The following AOPEP variants were observed in gnomAD, a reference collection of about 807,000 sequenced individuals.
The protein encoded by AOPEP is aminopeptidase O.
Under a neutral mutation model 98.1 loss-of-function variants are expected in AOPEP, and 77 were observed. The observed-to-expected ratio is 0.78, with a 90% confidence interval of 0.65 to 0.95. The LOEUF is 0.95. AOPEP is among the 40% of genes least tolerant of loss of function. AOPEP has a pLI of 0.00. For synonymous variants in AOPEP, 346 were observed against 365.3 expected (o/e 0.95, Z 0.60); for missense variants, 1,024 against 1,024.7 (o/e 1.00, Z 0.01).
rs1197836686 is a variant in AOPEP, at chr9:94,911,995, T to A, written c.1365-11991T>A. Among the ~76,000 whole-genome samples the A allele has an allele frequency of 2.0e-5, 3 of 152,178 alleles. No homozygotes were observed. The East Asian group carries it at 5.8e-4, about 29-fold the overall frequency. ...GCACTCCAGAAGACCCCTGTGCCCC[T>A]TCCAGTCAACCACACACACAAGGAC... On this transcript the variant is annotated intron_variant, in intron 5 of 16. Coordinates refer to ENST00000375315, the MANE Select transcript of AOPEP (RefSeq NM_001193329.3).
intron 3 of AOPEP, among the ~76,000 whole-genome samples, chr9:94,781,090 T>TC (rs1456064614): frequency 9.2e-5 from 14 of 152,084 alleles, no homozygotes; most frequent in Non-Finnish European, 2.1e-4. Context: ...CAGTTGTTAT[T>TC]CTTTTTTTTT....
intron 7 of AOPEP, among the ~76,000 whole-genome samples, chr9:94,942,020 A>G (rs2057063454): frequency 6.6e-6 from 1 of 152,248 alleles, no homozygotes. Context: ...TTGGGAAAGT[A>G]AATTTTGTAA....
intron 11 of AOPEP, among the ~76,000 whole-genome samples, chr9:94,983,459 G>A (rs2060320356): frequency 6.6e-6 from 1 of 152,084 alleles, no homozygotes; most frequent in Non-Finnish European, 1.5e-5. Context: ...CGCTTGGACT[G>A]GTGCAATAGC....
chr9:94,884,304 G>A (rs2047931873), intron 5 of AOPEP, among the ~76,000 whole-genome samples: 1 of 152,208 alleles, frequency 6.6e-6, no homozygotes, highest in African/African-American at 2.4e-5. Flanking sequence ...GTGAGACTTT[G>A]AAATTCAAAC....
intron 5 of AOPEP, among the ~76,000 whole-genome samples, chr9:94,880,449 G>A (rs113392299): frequency 1.4e-5 from 2 of 147,384 alleles, no homozygotes; most frequent in Admixed American, 6.8e-5. Flanking sequence ...TCACTGCAGC[G>A]TCGACCTCCC....
chr9:94,947,278 G>A (rs903514930), intron 7 of AOPEP, among the ~76,000 whole-genome samples: 5 of 150,898 alleles, frequency 3.3e-5, no homozygotes, highest in African/African-American at 1.2e-4. Flanking sequence ...ACCGCACCCG[G>A]CCTTTTGTTA....
At chr9:94,864,595 C>T (rs1042285724) in intron 5 of AOPEP, among the ~76,000 whole-genome samples, 2 of 152,028 alleles carry the variant, frequency 1.3e-5, no homozygotes, top group Non-Finnish European at 2.9e-5. Context: ...TATGAATGCA[C>T]ATTTTCAGGA....
Position 94,825,516 on chromosome 9 carries a change from G to A in AOPEP, c.1364+24514G>A, listed in dbSNP as rs72746567. ...TGAGCCTTGGTGAAGACGCTCAGTC[G>A]TTTTAAATAAGTGAAGTAAACATTC... On this transcript the variant is annotated intron_variant, in intron 5 of 16. Coordinates refer to ENST00000375315, the MANE Select transcript of AOPEP (RefSeq NM_001193329.3). Among the ~76,000 whole-genome samples, 801 of 152,352 alleles carry A rather than the reference G, an allele frequency of 5.3e-3. 12 individuals carry two copies. Among genetic ancestry groups the A allele is most frequent in the South Asian group, 0.044 (211 of 4,832 alleles).
intron 5 of AOPEP, among the ~76,000 whole-genome samples, chr9:94,839,177 C>T (rs1383962177): frequency 6.6e-6 from 1 of 151,882 alleles, no homozygotes; most frequent in Non-Finnish European, 1.5e-5. Flanking sequence ...GCCCTGCCTC[C>T]CGGGTTCACG....
the AOPEP span, among the ~76,000 whole-genome samples, chr9:95,104,499 G>A: frequency 6.6e-6 from 1 of 152,022 alleles, no homozygotes; most frequent in African/African-American, 2.4e-5. Flanking sequence ...GCTGAACCAC[G>A]TGTCAGGAGG....
At chr9:95,041,444 G>GTGTGTGTGT (rs1564560850) in intron 13 of AOPEP, among the ~76,000 whole-genome samples, 1 of 144,322 alleles carries the variant, frequency 6.9e-6, no homozygotes, top group Admixed American at 6.8e-5. Context: ...AGAGTCCTTG[G>GTGTGTGTGT]GGGTGTGTGT....
chr9:94,946,460 T>A (rs2057639879), intron 7 of AOPEP, among the ~76,000 whole-genome samples: 1 of 152,090 alleles, frequency 6.6e-6, no homozygotes, highest in Non-Finnish European at 1.5e-5. Flanking sequence ...GCAGATTTCC[T>A]GTGCTCAGCT....
intron 5 of AOPEP, among the ~76,000 whole-genome samples, chr9:94,897,090 A>G (rs2049688488): frequency 6.6e-6 from 1 of 152,132 alleles, no homozygotes; most frequent in Admixed American, 6.5e-5. Flanking sequence ...AGGTTTAAAA[A>G]AGTCATCTGA....
intron 14 of AOPEP, among the ~76,000 whole-genome samples, chr9:95,061,264 G>A (rs1365182025): frequency 2.0e-5 from 3 of 152,220 alleles, no homozygotes; most frequent in Non-Finnish European, 2.9e-5. Context: ...GGATGCTTGC[G>A]AGAAAGCAAT....
At chr9:94,940,184 T>G (rs929000902) in intron 7 of AOPEP, among the ~76,000 whole-genome samples, 1 of 152,232 alleles carries the variant, frequency 6.6e-6, no homozygotes, top group Non-Finnish European at 1.5e-5. Flanking sequence ...AAAACAGGGA[T>G]GATTAACACA....
chr9:95,126,662 A>G, the AOPEP span: 3 of 1,407,954 alleles, frequency 2.1e-6, no homozygotes, highest in Non-Finnish European at 3.0e-6. Flanking sequence ...CAAAGGAGTT[A>G]CTGGGAACTG....
chr9:95,066,221 A>G (rs1318011685), intron 14 of AOPEP, among the ~76,000 whole-genome samples: 1 of 152,172 alleles, frequency 6.6e-6, no homozygotes, highest in Non-Finnish European at 1.5e-5. Context: ...CTCTCAGTAC[A>G]TCCTTCTTAG....
intron 1 of AOPEP, among the ~76,000 whole-genome samples, chr9:94,757,953 C>T (rs1644530206): frequency 6.6e-6 from 1 of 152,242 alleles, no homozygotes; most frequent in South Asian, 2.1e-4. Context: ...TCTGGCTTAT[C>T]CCCTGTGCTC....
intron 1 of AOPEP, among the ~76,000 whole-genome samples, chr9:94,755,987 G>C (rs1251399652): frequency 6.6e-6 from 1 of 152,028 alleles, no homozygotes; most frequent in Non-Finnish European, 1.5e-5. Flanking sequence ...AGGCCAGGCA[G>C]GGTGGCTCAC....
Sources: allele counts gnomAD v4.1 joint callset (sites outside exome capture counted in the v4.1 genomes callset), GRCh38; gene constraint gnomAD v4.1.1; transcripts MANE v1.5; gene names NCBI Gene and HGNC (gene_info 2026-07-23, HGNC 2026-07-21).